The following TULP3 variants were observed in gnomAD, a reference collection of about 807,000 sequenced individuals.
TULP3 encodes TUB like protein 3.
Under a neutral mutation model 50.7 loss-of-function variants are expected in TULP3, and 38 were observed. The ratio of observed to expected loss-of-function variants is 0.75; its 90% confidence interval spans 0.58 to 0.98. The LOEUF (loss-of-function observed/expected upper bound fraction) is 0.98, where lower values mean the gene tolerates loss of function less well. Ranked by LOEUF, TULP3 falls within the 50% of genes least tolerant of loss-of-function variation. TULP3 has a pLI of 0.00. For synonymous variants in TULP3, 183 were observed against 196.6 expected, an observed-to-expected ratio of 0.93 and a Z score of 0.58; for missense variants, 550 against 568.0, an observed-to-expected ratio of 0.97 and a Z score of 0.32.
chr12:2,896,000 G>A (rs2098175378), intron 1 of TULP3, among the ~76,000 whole-genome samples: 1 of 151,206 alleles, frequency 6.6e-6, no homozygotes, highest in African/African-American at 2.4e-5. Flanking sequence ...GAGTGCAATG[G>A]CATGATCTCG....
intron 1 of TULP3, among the ~76,000 whole-genome samples, chr12:2,908,633 G>T (rs553421971): frequency 2.0e-5 from 3 of 152,018 alleles, no homozygotes; most frequent in African/African-American, 7.2e-5. Context: ...TGTTGGACAG[G>T]CTGGTCTCGA....
rs1396980756 is a variant in TULP3 at position 2,939,333 on chromosome 12, T to A, written c.1218T>A (p.Phe406Leu). ...TAGCTGATTATATAGTCATGCAGTTTGGACGTGTGGCAGATGACGTGTTCA... is the reference window on the plus strand; with the variant it reads ...TAGCTGATTATATAGTCATGCAGTTAGGACGTGTGGCAGATGACGTGTTCA... ...KNDPDYIVMQ[F>L]GRVADDVFTL... Residue 406 changes from phenylalanine to leucine, a missense_variant, in exon 11 of 11, where the codon TTT becomes TTA. Coordinates refer to ENST00000448120, the MANE Select transcript of TULP3 (RefSeq NM_003324.5). This position sits in a 1 kb window ranked among gnomAD's most constrained non-coding sequence, Gnocchi z 4.0. The A allele has an allele frequency of 6.2e-7, 1 of 1,614,250 alleles. No individual in the cohort carries two copies. The highest frequency in any genetic ancestry group is 8.5e-7 in the Non-Finnish European group (1 of 1,180,046).
At position 2,930,294 on chromosome 12, in the gene TULP3, C is replaced by G; in HGVS notation, c.441C>G (p.Ser147=). The G allele has an allele frequency of 6.2e-7, 1 of 1,612,704 alleles. No individual in the cohort carries two copies. Among genetic ancestry groups the G allele is most frequent in the Non-Finnish European group, 8.5e-7 (1 of 1,179,350 alleles). Residue 147 remains serine, a synonymous_variant, in exon 5 of 11, where the codon TCC becomes TCG. Coordinates refer to ENST00000448120, the MANE Select transcript of TULP3 (RefSeq NM_003324.5). ...VNFDEETDGI[S]QSACLERPNS... ...TCGATGAGGAGACTGATGGAATATC[C>G]CAGTCAGCATGTTTAGAAAGACCCA...
rs769941090 is a variant in TULP3, at chr12:2,909,234, C to G, written c.42-295C>G. Among the ~76,000 whole-genome samples, 5 of 152,278 alleles carry G rather than the reference C, an allele frequency of 3.3e-5. No individual in the cohort carries two copies. In the South Asian group the frequency reaches 1.0e-3, roughly 32 times the overall value. On this transcript the variant is annotated intron_variant, in intron 1 of 10. Coordinates refer to ENST00000448120, the MANE Select transcript of TULP3 (RefSeq NM_003324.5). ...CTACCACTGTGTTCAGAGCATAATG[C>G]GTACCTAAGACATTGTTTAAAACAA...
rs1335267123 is a variant in TULP3, at chr12:2,939,130, G to A, written c.1196-181G>A. Among the ~76,000 whole-genome samples, 1 of 152,140 alleles carries A rather than the reference G, an allele frequency of 6.6e-6. No homozygotes were observed. Among genetic ancestry groups the A allele is most frequent in the African/African-American group, 2.4e-5 (1 of 41,426 alleles). On this transcript the variant is annotated intron_variant, in intron 10 of 10. Coordinates refer to ENST00000448120, the MANE Select transcript of TULP3 (RefSeq NM_003324.5). The surrounding 1 kb of genome is among the most constrained non-coding windows in gnomAD (Gnocchi z 4.0). Reference sequence around the variant, plus strand: ...AGTCCCAGCTACTCAGGAGGCTGAGGTGGGAGGATCACTTGAGCCTGGGAC... The same window carrying A: ...AGTCCCAGCTACTCAGGAGGCTGAGATGGGAGGATCACTTGAGCCTGGGAC...
chr12:2,923,593 G>A (rs770774212), intron 4 of TULP3, among the ~76,000 whole-genome samples: 132 of 150,170 alleles, frequency 8.8e-4, no homozygotes, highest in Non-Finnish European at 1.4e-3. Context: ...AGAGGTTGCA[G>A]TGAGCCAAGA....
At chr12:2,923,950 C>T (rs2098193287) in intron 4 of TULP3, among the ~76,000 whole-genome samples, 1 of 152,126 alleles carries the variant, frequency 6.6e-6, no homozygotes, top group Non-Finnish European at 1.5e-5. Flanking sequence ...CACTGCACTC[C>T]AGCCTGGGTT....
At position 2,939,334 on chromosome 12, in the gene TULP3, G is replaced by A; in HGVS notation, c.1219G>A (p.Gly407Arg). 6.2e-7 allele frequency: 1 copy of A among 1,614,226 alleles called. No individual in the cohort carries two copies. The highest frequency in any genetic ancestry group is 1.1e-5 in the South Asian group (1 of 91,082). ...AGCTGATTATATAGTCATGCAGTTT[G>A]GACGTGTGGCAGATGACGTGTTCAC... is the stretch of plus-strand genomic sequence containing the variant. ...NDPDYIVMQF[G>R]RVADDVFTLD... The change falls in exon 11 of 11, where the codon GGA (glycine) becomes AGA (arginine). Residue 407 changes from glycine (G) to arginine (R), a missense_variant. Physicochemically the swap from Gly to Arg is moderately radical, Grantham distance 125. Coordinates refer to ENST00000448120, the MANE Select transcript of TULP3 (RefSeq NM_003324.5). This position sits in a 1 kb window ranked among gnomAD's most constrained non-coding sequence, Gnocchi z 4.0.
At chr12:2,922,894 C>T (rs1011241185) in intron 4 of TULP3, among the ~76,000 whole-genome samples, 4 of 144,594 alleles carry the variant, frequency 2.8e-5, no homozygotes, top group South Asian at 2.1e-4. Flanking sequence ...CACTCTGTCG[C>T]GCTGGCTGGA....
intron 1 of TULP3, among the ~76,000 whole-genome samples, chr12:2,896,150 A>G (rs962036446): frequency 6.6e-6 from 1 of 152,000 alleles, no homozygotes; most frequent in African/African-American, 2.4e-5. Flanking sequence ...ATGTTGGTCA[A>G]ACTGGTCTTG....
chr12:2,910,286 A>G (rs2098184725), intron 2 of TULP3, among the ~76,000 whole-genome samples: 1 of 152,164 alleles, frequency 6.6e-6, no homozygotes, highest in Admixed American at 6.5e-5. Flanking sequence ...AAAGAAAAAA[A>G]AAAATCCCCA....
intron 1 of TULP3, among the ~76,000 whole-genome samples, chr12:2,895,911 T>TTTAAAC (rs3056912): frequency 6.6e-6 from 1 of 151,374 alleles, no homozygotes; most frequent in African/African-American, 2.4e-5. Context: ...AGTATTAGCA[T>TTTAAAC]ATCTAAACAT....
At chr12:2,924,106 T>G (rs2098193347) in intron 4 of TULP3, among the ~76,000 whole-genome samples, 2 of 152,206 alleles carry the variant, frequency 1.3e-5, no homozygotes, top group African/African-American at 4.8e-5. Flanking sequence ...GCGCTTATTC[T>G]AATTGAAGCT....
At chr12:2,906,962 A>G (rs983666476) in intron 1 of TULP3, among the ~76,000 whole-genome samples, 1 of 152,090 alleles carries the variant, frequency 6.6e-6, no homozygotes, top group African/African-American at 2.4e-5. Flanking sequence ...AAATGAAACT[A>G]CTAGTCCATA....
At chr12:2,894,563 A>ACACACACACACACACG (rs1233658787) in intron 1 of TULP3, among the ~76,000 whole-genome samples, 14 of 138,802 alleles carry the variant, frequency 1.0e-4, no homozygotes, top group African/African-American at 2.9e-4. Flanking sequence ...ACACACACAC[A>ACACACACACACACACG]CACGCACGCA....
intron 4 of TULP3, among the ~76,000 whole-genome samples, chr12:2,923,660 A>AG (rs981973233): frequency 1.3e-5 from 2 of 151,480 alleles, no homozygotes; most frequent in African/African-American, 4.9e-5. Context: ...AAAAAAAAAA[A>AG]AAAGAAAAGA....
chr12:2,936,233 G>A (rs937191099), intron 8 of TULP3, among the ~76,000 whole-genome samples: 7 of 152,040 alleles, frequency 4.6e-5, no homozygotes, highest in Admixed American at 6.6e-5. Flanking sequence ...TTGTGCCACT[G>A]CACTCCAGCC....
chr12:2,896,770 C>T (rs2098175796), intron 1 of TULP3, among the ~76,000 whole-genome samples: 1 of 152,124 alleles, frequency 6.6e-6, no homozygotes, highest in African/African-American at 2.4e-5. Context: ...AGTTCACCTC[C>T]TTTCTCCCGA....
At chr12:2,914,186 G>A (rs535696350) in intron 2 of TULP3, among the ~76,000 whole-genome samples, 23 of 145,500 alleles carry the variant, frequency 1.6e-4, no homozygotes, top group African/African-American at 4.2e-4. Context: ...GTACAATGGC[G>A]CAATCTTGGC....
Sources: allele counts gnomAD v4.1 joint callset (sites outside exome capture counted in the v4.1 genomes callset), GRCh38; gene constraint gnomAD v4.1.1; non-coding constraint Gnocchi (gnomAD v3.1); transcripts MANE v1.5; gene names NCBI Gene and HGNC (gene_info 2026-07-23, HGNC 2026-07-21).